MYBL2: variants seen among roughly 807,000 people sequenced by gnomAD.
MYBL2 encodes the protein myb-related protein B.
MYBL2 carries 28 observed loss-of-function variants against 79.9 expected under a neutral mutation model. The observed-to-expected ratio is 0.35, with a 90% confidence interval of 0.26 to 0.48. The LOEUF is 0.48. Among genes scored for constraint, MYBL2 ranks in the 20% least tolerant of loss-of-function variants. MYBL2 has a pLI of 0.99. For synonymous variants in MYBL2, 378 were observed against 361.2 expected, an observed-to-expected ratio of 1.05 and a Z score of -0.53; for missense variants, 735 against 893.9, an observed-to-expected ratio of 0.82 and a Z score of 2.27.
chr20:43,691,165 C>T (rs1319438149), intron 5 of MYBL2, among the ~76,000 whole-genome samples: 3 of 152,142 alleles, frequency 2.0e-5, no homozygotes, highest in Non-Finnish European at 2.9e-5. Flanking sequence ...GGGAGGTGAA[C>T]AGGCCTTGCA....
intron 6 of MYBL2, among the ~76,000 whole-genome samples, chr20:43,694,379 G>C (rs918960951): frequency 4.2e-4 from 19 of 44,926 alleles, no homozygotes; most frequent in African/African-American, 1.6e-3. Flanking sequence ...AAAATTTGAA[G>C]CAAGCATGAC....
intron 7 of MYBL2, among the ~76,000 whole-genome samples, 159 bp from the exon 8 acceptor site, chr20:43,702,331 A>C (rs1987690842): frequency 6.6e-6 from 1 of 152,192 alleles, no homozygotes; most frequent in Non-Finnish European, 1.5e-5. Context: ...GAAAATATAG[A>C]TGTATAGTCA....
At chr20:43,677,620 A>G (rs826951) in intron 2 of MYBL2, among the ~76,000 whole-genome samples, 123,913 of 151,400 alleles carry the variant, frequency 0.82, 51,372 homozygotes, top group Non-Finnish European at 0.87. Context: ...CCGCCCGGCC[A>G]CCCCTACTGG....
chr20:43,689,053 A>C (rs1218107248), intron 5 of MYBL2, among the ~76,000 whole-genome samples: 1 of 152,194 alleles, frequency 6.6e-6, no homozygotes, highest in Middle Eastern at 3.4e-3. Flanking sequence ...GGCCTCCCGA[A>C]GTGCTGAGAT....
chr20:43,688,062 G>T (rs1023803586), intron 5 of MYBL2, among the ~76,000 whole-genome samples: 1 of 150,412 alleles, frequency 6.6e-6, no homozygotes, highest in South Asian at 2.1e-4. Context: ...AGCATTCCAT[G>T]ATCTTTTCTC....
At chr20:43,680,828 G>A (rs1987125335) in intron 2 of MYBL2, among the ~76,000 whole-genome samples, 1 of 152,072 alleles carries the variant, frequency 6.6e-6, no homozygotes, top group Non-Finnish European at 1.5e-5. Context: ...ATTTGACTGA[G>A]GAAAACTTTA....
chr20:43,697,756 A>G (rs1987577758), intron 6 of MYBL2, among the ~76,000 whole-genome samples: 1 of 151,338 alleles, frequency 6.6e-6, no homozygotes, highest in African/African-American at 2.4e-5. Context: ...ACAAAAAAGA[A>G]CCCAAAAAAT....
intron 2 of MYBL2, among the ~76,000 whole-genome samples, chr20:43,674,586 G>C (rs898686434): frequency 9.2e-5 from 14 of 151,770 alleles, no homozygotes; most frequent in Admixed American, 3.3e-4. Context: ...GTAGATACGG[G>C]GGCTTCACCA....
chr20:43,697,758 C>G (rs540773242), intron 6 of MYBL2, among the ~76,000 whole-genome samples: 2 of 149,830 alleles, frequency 1.3e-5, no homozygotes, highest in South Asian at 4.3e-4. Flanking sequence ...AAAAAAGAAC[C>G]CAAAAAATTA....
chr20:43,670,964 T>C (rs970188409), intron 1 of MYBL2, among the ~76,000 whole-genome samples: 111 of 6,048 alleles, frequency 0.018, no homozygotes, highest in African/African-American at 0.038. Flanking sequence ...TGATTTCTTT[T>C]TTTTCTTTTT....
At chr20:43,674,626 C>T (rs189995358) in intron 2 of MYBL2, among the ~76,000 whole-genome samples, 2 of 151,764 alleles carry the variant, frequency 1.3e-5, no homozygotes, top group Non-Finnish European at 2.9e-5. Flanking sequence ...GAACTCCTGA[C>T]CTCATGATCT....
At position 43,711,469 on chromosome 20, in the gene MYBL2, G is replaced by A. The variant is rs200218742; in HGVS notation, c.1606-19G>A. 3.4e-5 allele frequency: 54 copies of A among 1,598,938 alleles called. No individual in the cohort carries two copies. In the African/African-American group the frequency reaches 6.4e-4, roughly 19 times the overall value. On this transcript the variant is annotated intron_variant, in intron 10 of 13. Transcript: ENST00000217026. ...CCGAGTGTGGTGCCTCACGTGGGCT[G>A]CCCCGTGCCTACCCACAGCCACAGA... is the stretch of plus-strand genomic sequence containing the variant.
At chr20:43,696,516 A>G (rs1454374498) in intron 6 of MYBL2, among the ~76,000 whole-genome samples, 1 of 152,240 alleles carries the variant, frequency 6.6e-6, no homozygotes, top group Non-Finnish European at 1.5e-5. Flanking sequence ...CCACCACACC[A>G]GGCTTAAAAT....
At chr20:43,670,960 C>T (rs896045116) in intron 1 of MYBL2, among the ~76,000 whole-genome samples, 10 of 144,652 alleles carry the variant, frequency 6.9e-5, no homozygotes, top group African/African-American at 2.7e-4. Flanking sequence ...CCTATGATTT[C>T]TTTTTTTTCT....
rs1987095808 is a variant in MYBL2, at chr20:43,679,506, T to TGTTCACA, written c.115-2277_115-2276insTTCACAG. Among the ~76,000 whole-genome samples, 25 of 152,330 alleles carry TGTTCACA rather than the reference T, an allele frequency of 1.6e-4. No individual in the cohort carries two copies. The South Asian group carries it at 5.2e-3, about 32-fold the overall frequency. ...AAACGAGGCTGAGTGTGGTGGTTTA[T>TGTTCACA]GCCTGTAAACCGAGTACTGTGGGAG... On this transcript the variant is annotated intron_variant, in intron 2 of 13. Transcript: ENST00000217026.
chr20:43,671,131 G>A (rs1444835866), intron 1 of MYBL2, among the ~76,000 whole-genome samples: 5 of 151,764 alleles, frequency 3.3e-5, no homozygotes, highest in Non-Finnish European at 7.4e-5. Flanking sequence ...ACCATGCCCA[G>A]CTAATTTTTG....
chr20:43,683,804 T>A lies in MYBL2; in HGVS notation c.279+918T>A, dbSNP rs372802872. ...CTCCTGACCTCGTGATCTACCCGCCTCAGCCTCCCAAAGTGCTGGAATTAC... is the reference window on the plus strand; with the variant it reads ...CTCCTGACCTCGTGATCTACCCGCCACAGCCTCCCAAAGTGCTGGAATTAC... On this transcript the variant is annotated intron_variant, in intron 4 of 13. Coordinates refer to ENST00000217026, the MANE Select transcript of MYBL2 (RefSeq NM_002466.4). Among the ~76,000 whole-genome samples the A allele has an allele frequency of 1.2e-4, 19 of 152,216 alleles. 1 individual carries two copies. The highest frequency in any genetic ancestry group is 3.9e-4 in the African/African-American group (16 of 41,554).
intron 7 of MYBL2, among the ~76,000 whole-genome samples, chr20:43,701,712 A>G (rs375197724): frequency 1.3e-5 from 2 of 152,228 alleles, no homozygotes; most frequent in South Asian, 2.1e-4. Context: ...TCACTGCTCT[A>G]TATTTCGTTC....
chr20:43,681,079 A>G (rs538447162), intron 2 of MYBL2, among the ~76,000 whole-genome samples: 3 of 152,244 alleles, frequency 2.0e-5, no homozygotes, highest in East Asian at 3.9e-4. Context: ...TTCACACATC[A>G]TAGTGACACT....
Sources: gnomAD v4.1 joint callset for allele counts (sites outside exome capture counted in the v4.1 genomes callset) on GRCh38, gnomAD v4.1.1 for gene constraint, MANE v1.5 for transcripts, NCBI Gene and HGNC (gene_info 2026-07-23, HGNC 2026-07-21) for gene names.